The following ANKRD36B variants were observed in gnomAD, a reference collection of about 807,000 sequenced individuals.
ANKRD36B encodes ankyrin repeat domain 36B.
A neutral mutation model predicts 135.7 loss-of-function variants in ANKRD36B; 37 were observed. That is an observed-to-expected ratio of 0.27 (90% CI 0.21 to 0.36). ANKRD36B has a LOEUF of 0.36. Among genes scored for constraint, ANKRD36B ranks in the 10% least tolerant of loss-of-function variants. The probability of loss-of-function intolerance (pLI) is 1.00; values close to 1 mark genes in which losing one functional copy is unlikely to be tolerated. For synonymous variants in ANKRD36B, 179 were observed against 348.1 expected (o/e 0.51, Z 5.41); for missense variants, 549 against 1,037.1 (o/e 0.53, Z 6.46).
At chr2:97,546,124 T>C (rs931957686) in intron 22 of ANKRD36B, among the ~76,000 whole-genome samples, 1 of 151,698 alleles carries the variant, frequency 6.6e-6, no homozygotes, top group African/African-American at 2.4e-5. Context: ...CCTGTCAATA[T>C]CAATGTCGAT....
chr2:97,565,270 T>C (rs886997549), intron 6 of ANKRD36B, among the ~76,000 whole-genome samples: 17 of 151,834 alleles, frequency 1.1e-4, no homozygotes, highest in Non-Finnish European at 2.1e-4. Context: ...GCTGAGACAA[T>C]TTGGTTTTCT....
At chr2:97,525,469 G>C (rs1435354725) in intron 35 of ANKRD36B, among the ~76,000 whole-genome samples, 1 of 96,810 alleles carries the variant, frequency 1.0e-5, no homozygotes, top group Non-Finnish European at 2.7e-5. Flanking sequence ...CTCCCAGTGT[G>C]AGCGACGCAG....
At position 97,549,510 on chromosome 2, in the gene ANKRD36B, GA is replaced by G. The variant is rs1219709926; in HGVS notation, c.1405-20del. On this transcript the variant is annotated intron_variant, in intron 19 of 43. Transcript: ENST00000359901. ...TTGTAGCCTGAATGGAATTTGAAATGAAATAATAAATAAATAAAGTATGTTT... is the reference window on the plus strand; with the variant it reads ...TTGTAGCCTGAATGGAATTTGAAATGAATAATAAATAAATAAAGTATGTTT... 1 of 1,597,284 alleles carries G rather than the reference GA, an allele frequency of 6.3e-7. No individual in the cohort carries two copies. Among genetic ancestry groups the G allele is most frequent in the Non-Finnish European group, 8.5e-7 (1 of 1,171,878 alleles).
Position 97,524,147 on chromosome 2 carries a change from T to C in ANKRD36B, c.2266-680A>G, listed in dbSNP as rs1208755245. The C allele has an allele frequency of 2.2e-5, 2 of 91,308 alleles. 1 individual carries two copies. Among genetic ancestry groups the C allele is most frequent in the African/African-American group, 6.8e-5 (2 of 29,572 alleles). The allele number at this position is 91,308 out of a possible 1,614,324, so 5.7% of individuals were successfully genotyped here. A position where few individuals can be genotyped will look rare whatever the true frequency, so the allele number is the denominator to read the frequency against. On this transcript the variant is annotated intron_variant, in intron 35 of 43. Coordinates refer to ENST00000359901, the MANE Select transcript of ANKRD36B (RefSeq NM_001393939.1). ...CACATTCTGTATTGGTTTTGTACTG[T>C]TGTGTTTGTAACAACAGAAACACCA...
In ANKRD36B at chr2:97,578,919, C is replaced by G. The variant is rs1166381156; in HGVS notation, c.682G>C (p.Ala228Pro). Residue 228 changes from alanine (A) to proline (P), a missense_variant, in exon 5 of 44, where the codon GCT becomes CCT. Coordinates refer to ENST00000359901, the MANE Select transcript of ANKRD36B (RefSeq NM_001393939.1). ...GTAAAGACTTACACTCTATTCTCAG[C>G]CTCACTGGCATAATCTTCTGCAAGC... ...GKLAEDYASEAENRVIFDLIY... is the reference protein window; with the variant it reads ...GKLAEDYASEPENRVIFDLIY... 6.2e-7 allele frequency: 1 copy of G among 1,612,662 alleles called. No homozygotes were observed. The highest frequency in any genetic ancestry group is 8.5e-7 in the Non-Finnish European group (1 of 1,179,108).
At chr2:97,570,654 C>A (rs2081781781) in intron 6 of ANKRD36B, among the ~76,000 whole-genome samples, 1 of 152,154 alleles carries the variant, frequency 6.6e-6, no homozygotes, top group South Asian at 2.1e-4. Flanking sequence ...TACAGGAATT[C>A]AGCACATCCT....
At chr2:97,587,290 A>C (rs1276910225) in intron 1 of ANKRD36B, among the ~76,000 whole-genome samples, 1 of 152,334 alleles carries the variant, frequency 6.6e-6, no homozygotes, top group East Asian at 1.9e-4. Flanking sequence ...AAAAACATTT[A>C]CTAGAAGTTT....
At chr2:97,559,194 C>T (rs2080801072) in intron 8 of ANKRD36B, among the ~76,000 whole-genome samples, 200 bp from the exon 9 acceptor site, 1 of 151,480 alleles carries the variant, frequency 6.6e-6, no homozygotes, top group African/African-American at 2.4e-5. Context: ...CAAAATATAC[C>T]CTTACAATTT....
At chr2:97,562,420 C>A (rs867413985) in intron 6 of ANKRD36B, among the ~76,000 whole-genome samples, 2 of 151,708 alleles carry the variant, frequency 1.3e-5, no homozygotes, top group African/African-American at 4.8e-5. Context: ...TTTCCAAAAA[C>A]AAAAACAAAA....
chr2:97,559,271 T>C (rs1054739448), intron 8 of ANKRD36B, among the ~76,000 whole-genome samples: 15 of 151,896 alleles, frequency 9.9e-5, no homozygotes, highest in Admixed American at 2.0e-4. Flanking sequence ...AATGTGGATA[T>C]GCCGAGTGAT....
At chr2:97,552,496 CA>C in intron 16 of ANKRD36B, among the ~76,000 whole-genome samples, 1 of 151,832 alleles carries the variant, frequency 6.6e-6, no homozygotes, top group Non-Finnish European at 1.5e-5. Context: ...CTAATAGTAA[CA>C]AAAAGGAGTA....
chr2:97,580,203 C>T (rs1241863703), intron 4 of ANKRD36B, among the ~76,000 whole-genome samples: 1 of 152,238 alleles, frequency 6.6e-6, no homozygotes, highest in East Asian at 1.9e-4. Context: ...ATATACAGAG[C>T]TTTCTATATA....
Position 97,528,175 on chromosome 2 carries a change from T to G in ANKRD36B, c.2265+4136A>C, listed in dbSNP as rs1282912537. ...GAAGTAAAGCTCTCCTCAGCAAATG[T>G]AAAAGTACAGAAAGTATAACAAACT... On this transcript the variant is annotated intron_variant, in intron 35 of 43. Transcript: ENST00000359901. Among the ~76,000 whole-genome samples the G allele has an allele frequency of 2.1e-5, 2 of 95,294 alleles. 1 individual carries two copies. Among genetic ancestry groups the G allele is most frequent in the East Asian group, 4.7e-4 (2 of 4,296 alleles). The allele number at this position is 95,294 out of a possible 152,430, so 62.5% of individuals were successfully genotyped here.
chr2:97,496,287 G>A (rs1419574414), intron 43 of ANKRD36B, among the ~76,000 whole-genome samples: 2 of 104,568 alleles, frequency 1.9e-5, no homozygotes. Flanking sequence ...GGCTGCAGAA[G>A]ACAAGTTTAA....
intron 6 of ANKRD36B, among the ~76,000 whole-genome samples, chr2:97,571,645 C>CAA (rs200560085): frequency 1.3e-5 from 2 of 150,244 alleles, no homozygotes; most frequent in Admixed American, 1.3e-4. Flanking sequence ...GACTCAGTCT[C>CAA]AAAAAAAAAT....
chr2:97,531,037 C>A lies in ANKRD36B; in HGVS notation c.2265+1274G>T, dbSNP rs1440863995. ...TCTAGAACTAGAAATACCATTTGAC[C>A]CTGCCATCCCATTACTGGGTATATA... On this transcript the variant is annotated intron_variant, in intron 35 of 43. Transcript: ENST00000359901. Among the ~76,000 whole-genome samples, 2 of 94,748 alleles carry A rather than the reference C, an allele frequency of 2.1e-5. 1 individual carries two copies. The highest frequency in any genetic ancestry group is 6.3e-5 in the African/African-American group (2 of 31,562). 62.2% of individuals were successfully genotyped at this position (94,748 alleles called of 152,430 possible).
intron 14 of ANKRD36B, among the ~76,000 whole-genome samples, 195 bp downstream of exon 14, chr2:97,554,865 A>T (rs2080365608): frequency 6.6e-6 from 1 of 151,904 alleles, no homozygotes; most frequent in Non-Finnish European, 1.5e-5. Flanking sequence ...GGGGAAGTCT[A>T]TAATCTTACT....
At chr2:97,549,689 G>A (rs1376731534) in intron 18 of ANKRD36B, 75 bp from the exon 19 acceptor site, 24 of 1,597,132 alleles carry the variant, frequency 1.5e-5, no homozygotes, top group East Asian at 9.0e-5. Context: ...TGCAGTGTTA[G>A]CATCAAACTC....
At chr2:97,578,419 C>A (rs1399421225) in intron 5 of ANKRD36B, among the ~76,000 whole-genome samples, 1 of 151,986 alleles carries the variant, frequency 6.6e-6, no homozygotes, top group Non-Finnish European at 1.5e-5. Context: ...ATGTCCTTTC[C>A]CCTTCTCCTT....
Sources: allele counts gnomAD v4.1 joint callset (sites outside exome capture counted in the v4.1 genomes callset), GRCh38; gene constraint gnomAD v4.1.1; transcripts MANE v1.5; gene names NCBI Gene and HGNC (gene_info 2026-07-23, HGNC 2026-07-21).